Variants in DYRK3 observed in about 807,000 individuals in gnomAD.
DYRK3 encodes the protein dual specificity tyrosine-phosphorylation-regulated kinase 3.
DYRK3 carries 30 observed loss-of-function variants against 40.8 expected under a neutral mutation model. The ratio of observed to expected loss-of-function variants is 0.74; its 90% CI spans 0.55 to 1.00. DYRK3 has a LOEUF of 1.00. DYRK3 is among the 50% of genes least tolerant of loss of function. The pLI, the probability that DYRK3 is intolerant of heterozygous loss-of-function variation, is 0.00. For missense variants in DYRK3, 699 were observed against 731.5 expected (o/e 0.96, Z 0.51); for synonymous variants, 272 against 260.7 (o/e 1.04, Z -0.42).
rs782345381 is a variant in DYRK3, at chr1:206,648,047, T to C, written c.849T>C (p.His283=). 1.9e-6 allele frequency: 3 copies of C among 1,614,136 alleles called. No homozygotes were observed. The highest frequency in any genetic ancestry group is 2.5e-6 in the Non-Finnish European group (3 of 1,180,034). Residue 283 remains histidine (H), a synonymous_variant, in exon 3 of 3, where the codon CAT becomes CAC. Transcript: ENST00000367109. The part of the protein sequence containing the change: ...HMLESFTFRN[H]VCMAFELLSI... ...TGGAAAGTTTCACATTCCGGAACCA[T>C]GTTTGCATGGCCTTTGAATTGCTGA... is the stretch of plus-strand genomic sequence containing the variant.
chr1:206,645,937 C>T (rs782169719), intron 2 of DYRK3, among the ~76,000 whole-genome samples: 2 of 152,074 alleles, frequency 1.3e-5, no homozygotes, highest in Non-Finnish European at 2.9e-5. Flanking sequence ...GCAACCTCCA[C>T]CTCCTGGGTT....
rs1671602087 is a variant in DYRK3 at position 206,650,422 on chromosome 1, C to G, written c.*1457C>G. On this transcript the variant is annotated 3_prime_UTR_variant, in exon 3 of 3. Transcript: ENST00000367109. ...CCTCTACAAAAAATACAAAAATTAG[C>G]CAGGCCTAGTGGCACATGCCTGTAA... 6.6e-6 allele frequency among the ~76,000 whole-genome samples: 1 copy of G among 151,848 alleles called. No individual in the cohort carries two copies. Among genetic ancestry groups the G allele is most frequent in the Non-Finnish European group, 1.5e-5 (1 of 67,982 alleles).
At chr1:206,640,310 C>T (rs1671250798) in intron 2 of DYRK3, among the ~76,000 whole-genome samples, 1 of 152,120 alleles carries the variant, frequency 6.6e-6, no homozygotes, top group Non-Finnish European at 1.5e-5. Flanking sequence ...ACTTACATTT[C>T]ATTATGCCAT....
In DYRK3 at chr1:206,652,726, G is replaced by A. The variant is rs1184196223; in HGVS notation, c.*3761G>A. On this transcript the variant is annotated 3_prime_UTR_variant, in exon 3 of 3. Coordinates refer to ENST00000367109, the MANE Select transcript of DYRK3 (RefSeq NM_003582.4). Reference sequence around the variant, plus strand: ...TTAGGGACAAGTTGTGGTTTTTAGAGGCAGTAACTCTATGCCACCTTATTG... The same window carrying A: ...TTAGGGACAAGTTGTGGTTTTTAGAAGCAGTAACTCTATGCCACCTTATTG... Among the ~76,000 whole-genome samples the A allele has an allele frequency of 6.6e-6, 1 of 152,168 alleles. No individual in the cohort carries two copies. Among genetic ancestry groups the A allele is most frequent in the Non-Finnish European group, 1.5e-5 (1 of 68,028 alleles).
chr1:206,637,711 T>G lies in DYRK3; in HGVS notation c.139T>G (p.Ser47Ala). 1.2e-6 allele frequency: 2 copies of G among 1,614,084 alleles called. No individual in the cohort carries two copies. The highest frequency in any genetic ancestry group is 1.7e-6 in the Non-Finnish European group (2 of 1,179,982). ...MIDETKCPPC[S>A]NVLCNPSEPP... Reference sequence around the variant, plus strand: ...AGATGAAACCAAATGTCCCCCCTGTTCAAATGTACTCTGCAATCCTTCTGA... The same window carrying G: ...AGATGAAACCAAATGTCCCCCCTGTGCAAATGTACTCTGCAATCCTTCTGA... Residue 47 changes from serine (S) to alanine (A), a missense_variant, in exon 2 of 3, where the codon TCA becomes GCA. Physicochemically the swap from Ser to Ala is moderately conservative, Grantham distance 99. Coordinates refer to ENST00000367109, the MANE Select transcript of DYRK3 (RefSeq NM_003582.4).
In DYRK3 at chr1:206,648,277, G is replaced by C; in HGVS notation, c.1079G>C (p.Cys360Ser). Residue 360 changes from cysteine (C) to serine (S), a missense_variant, in exon 3 of 3, where the codon TGT (cysteine) becomes TCT (serine). Coordinates refer to ENST00000367109, the MANE Select transcript of DYRK3 (RefSeq NM_003582.4). ...STKVIDFGSS[C>S]FEYQKLYTYI... ...AAGGTCATTGACTTTGGGTCCAGCT[G>C]TTTCGAGTACCAGAAGCTCTACACA... is the stretch of plus-strand genomic sequence containing the variant. 6.2e-7 allele frequency: 1 copy of C among 1,613,726 alleles called. No homozygotes were observed. The highest frequency in any genetic ancestry group is 8.5e-7 in the Non-Finnish European group (1 of 1,179,916).
rs1553421504 is a variant in DYRK3 at position 206,653,083 on chromosome 1, G to A, written c.*4118G>A. On this transcript the variant is annotated 3_prime_UTR_variant, in exon 3 of 3. Coordinates refer to ENST00000367109, the MANE Select transcript of DYRK3 (RefSeq NM_003582.4). ...GTCGTCCAGGCTGGAGTGAAGTGGC[G>A]CAGTGTTGTCTGCAGCCTCAACCTC... is the stretch of plus-strand genomic sequence containing the variant. Among the ~76,000 whole-genome samples, 6 of 151,940 alleles carry A rather than the reference G, an allele frequency of 3.9e-5. No individual in the cohort carries two copies. Among genetic ancestry groups the A allele is most frequent in the South Asian group, 2.1e-4 (1 of 4,818 alleles).
chr1:206,635,786 G>C lies in DYRK3; in HGVS notation c.77+6G>C. The C allele has an allele frequency of 8.0e-7, 1 of 1,242,764 alleles. No individual in the cohort carries two copies. Among genetic ancestry groups the C allele is most frequent in the Non-Finnish European group, 1.0e-6 (1 of 989,558 alleles). The allele number at this position is 1,242,764 out of a possible 1,614,324, so 77.0% of individuals were successfully genotyped here. On this transcript the variant is annotated splice_donor_region_variant and intron_variant, in intron 1 of 2. Transcript: ENST00000367109. ...CTCCCGCCCCAGCAGCGGAGGTAAC[G>C]GCGCCACGGGGTAACGGGCTGGAGG...
In DYRK3 at chr1:206,653,226, C is replaced by T. The variant is rs1366056513; in HGVS notation, c.*4261C>T. Among the ~76,000 whole-genome samples the T allele has an allele frequency of 2.6e-5, 4 of 152,048 alleles. No individual in the cohort carries two copies. The highest frequency in any genetic ancestry group is 4.4e-5 in the Non-Finnish European group (3 of 67,996). The stretch of plus-strand genomic sequence containing the variant: ...AGAGAGGGGGTTTCACCATGTTGCT[C>T]GGGCTGGTCTTGAACTCCTGGGCTC... On this transcript the variant is annotated 3_prime_UTR_variant, in exon 3 of 3. Transcript: ENST00000367109.
At chr1:206,638,313 G>C (rs1671179915) in intron 2 of DYRK3, among the ~76,000 whole-genome samples, 2 of 113,532 alleles carry the variant, frequency 1.8e-5, no homozygotes, top group African/African-American at 7.1e-5. Flanking sequence ...GTCTCTCTCT[G>C]TCACCCAGGC....
At chr1:206,639,788 G>A (rs1671232434) in intron 2 of DYRK3, among the ~76,000 whole-genome samples, 1 of 151,974 alleles carries the variant, frequency 6.6e-6, no homozygotes, top group Admixed American at 6.6e-5. Context: ...TTCAGAGTTA[G>A]CCGATGCTAT....
rs1671698308 is a variant in DYRK3 at position 206,654,201 on chromosome 1, C to T, written c.*5236C>T. 2.0e-5 allele frequency among the ~76,000 whole-genome samples: 3 copies of T among 152,308 alleles called. No homozygotes were observed. Among genetic ancestry groups the T allele is most frequent in the Admixed American group, 6.5e-5 (1 of 15,296 alleles). On this transcript the variant is annotated 3_prime_UTR_variant, in exon 3 of 3. Coordinates refer to ENST00000367109, the MANE Select transcript of DYRK3 (RefSeq NM_003582.4). ...CCATCTGTTATTGATGTCATCAACACGGAAGTTGGAAAGGTGACAATGATT... is the reference window on the plus strand; with the variant it reads ...CCATCTGTTATTGATGTCATCAACATGGAAGTTGGAAAGGTGACAATGATT...
chr1:206,645,659 A>C (rs1216121364), intron 2 of DYRK3, among the ~76,000 whole-genome samples: 2 of 145,906 alleles, frequency 1.4e-5, no homozygotes, highest in Non-Finnish European at 3.0e-5. Flanking sequence ...GATTACAGGC[A>C]TGCATCCATG....
At chr1:206,644,685 G>A (rs568343176) in intron 2 of DYRK3, among the ~76,000 whole-genome samples, 83 of 152,232 alleles carry the variant, frequency 5.5e-4, no homozygotes, top group African/African-American at 1.9e-3. Context: ...GAATGCAGGT[G>A]CGCGCCACTA....
intron 1 of DYRK3, chr1:206,636,092 TG>T: frequency 6.7e-7 from 1 of 1,487,958 alleles, no homozygotes; most frequent in Admixed American, 1.8e-5. Flanking sequence ...GGACTTTTTG[TG>T]GGGCTTTTTA....
intron 2 of DYRK3, among the ~76,000 whole-genome samples, chr1:206,643,198 T>G (rs1553419581): frequency 6.6e-6 from 1 of 152,096 alleles, no homozygotes; most frequent in Non-Finnish European, 1.5e-5. Context: ...CACAGCCCCT[T>G]TTAGGTACCC....
chr1:206,645,356 T>A (rs1458842465), intron 2 of DYRK3, among the ~76,000 whole-genome samples: 1 of 152,240 alleles, frequency 6.6e-6, no homozygotes, highest in South Asian at 2.1e-4. Flanking sequence ...ATCAAACAGA[T>A]AAAGGACATA....
At chr1:206,639,959 G>T (rs538391394) in intron 2 of DYRK3, among the ~76,000 whole-genome samples, 1 of 118,250 alleles carries the variant, frequency 8.5e-6, no homozygotes, top group Non-Finnish European at 1.6e-5. Context: ...TTTTGAGACC[G>T]AGTCTCGCTC....
chr1:206,641,425 T>C (rs1057246152), intron 2 of DYRK3, among the ~76,000 whole-genome samples: 6 of 147,194 alleles, frequency 4.1e-5, no homozygotes, highest in Non-Finnish European at 7.4e-5. Flanking sequence ...TTCTTTTTTA[T>C]GGCTAAATAG....
Sources: gnomAD v4.1 joint callset for allele counts (sites outside exome capture counted in the v4.1 genomes callset) on GRCh38, gnomAD v4.1.1 for gene constraint, MANE v1.5 for transcripts, NCBI Gene and HGNC (gene_info 2026-07-23, HGNC 2026-07-21) for gene names.